BRPF3: variants seen among roughly 807,000 people sequenced by gnomAD.
BRPF3 encodes the protein bromodomain and PHD finger containing 3.
A neutral mutation model predicts 102.0 loss-of-function variants in BRPF3; 18 were observed. That is an observed-to-expected ratio of 0.18 (90% confidence interval 0.12 to 0.26). The LOEUF is 0.26. BRPF3 is among the 10% of genes least tolerant of loss of function. The probability of loss-of-function intolerance (pLI) is 1.00; values close to 1 mark genes in which losing one functional copy is unlikely to be tolerated. For synonymous variants in BRPF3, 570 were observed against 614.2 expected (o/e 0.93, Z 1.06); for missense variants, 1,147 against 1,567.8 (o/e 0.73, Z 4.53).
At chr6:36,209,160 AT>A (rs1264179070) in intron 4 of BRPF3, among the ~76,000 whole-genome samples, 1 of 151,808 alleles carries the variant, frequency 6.6e-6, no homozygotes, top group East Asian at 1.9e-4. Context: ...TTTAATTTGT[AT>A]TTTTTTTCTT....
In BRPF3 at chr6:36,229,174, T is replaced by A. The variant is rs570463379; in HGVS notation, c.3434+118T>A. ...TGTTACCAGTTACCCTGGTCTCCACTTGCCAGCAACAGGCCTGCACTTGGC... is the reference window on the plus strand; with the variant it reads ...TGTTACCAGTTACCCTGGTCTCCACATGCCAGCAACAGGCCTGCACTTGGC... On this transcript the variant is annotated intron_variant, in intron 12 of 12. Transcript: ENST00000357641. 1,607 of 1,337,830 alleles carry A rather than the reference T, an allele frequency of 1.2e-3. 4 individuals carry two copies. The highest frequency in any genetic ancestry group is 1.5e-3 in the Non-Finnish European group (1,506 of 986,222). 82.9% of individuals were successfully genotyped at this position (1,337,830 alleles called of 1,614,324 possible). A position where few individuals can be genotyped will look rare whatever the true frequency, so the allele number is the denominator to read the frequency against.
At chr6:36,207,531 T>G (rs1767948567) in intron 4 of BRPF3, 87 bp downstream of exon 4, 1 of 1,503,030 alleles carries the variant, frequency 6.7e-7, no homozygotes, top group Admixed American at 2.3e-5. Context: ...TGGGAGCCCC[T>G]GCCTTATGCT....
In BRPF3 at chr6:36,230,576, G is replaced by T. The variant is rs748425270; in HGVS notation, c.3585G>T (p.Gly1195=). Residue 1195 remains glycine (G), a synonymous_variant, in exon 13 of 13, where the codon GGG becomes GGT. Transcript: ENST00000357641. This position sits in a 1 kb window ranked among gnomAD's most constrained non-coding sequence, Gnocchi z 5.4. ...RAMIHLSRVR[G]PHSFVTSSYL ...TGATCCACCTGAGCAGAGTCCGGGG[G>T]CCCCACTCCTTCGTCACTTCCAGCT... 1.2e-6 allele frequency: 2 copies of T among 1,613,984 alleles called. No individual in the cohort carries two copies. Among genetic ancestry groups the T allele is most frequent in the African/African-American group, 2.7e-5 (2 of 74,910 alleles).
Position 36,210,088 on chromosome 6 carries a change from G to C in BRPF3, c.1867-128G>C. 3.5e-6 allele frequency: 5 copies of C among 1,419,980 alleles called. No homozygotes were observed. The highest frequency in any genetic ancestry group is 4.9e-6 in the Non-Finnish European group (5 of 1,022,606). The allele number at this position is 1,419,980 out of a possible 1,614,324, so 88.0% of individuals were successfully genotyped here. ...GGGTCAGCAGGCCAGGGTGGGCCAG[G>C]ACTGTAGGTCTTTGAGTTAGCCTGG... On this transcript the variant is annotated intron_variant, in intron 5 of 12. Coordinates refer to ENST00000357641, the MANE Select transcript of BRPF3 (RefSeq NM_015695.3). The surrounding 1 kb of genome is among the most constrained non-coding windows in gnomAD (Gnocchi z 4.7).
chr6:36,212,828 C>T (rs1768177606), intron 7 of BRPF3, among the ~76,000 whole-genome samples: 1 of 152,044 alleles, frequency 6.6e-6, no homozygotes, highest in South Asian at 2.1e-4. Context: ...TGGCGGGCGC[C>T]TGTAGTCCCA....
In BRPF3 at chr6:36,201,815, T is replaced by G. The variant is rs772065988; in HGVS notation, c.1448+45T>G. On this transcript the variant is annotated intron_variant, in intron 2 of 12. Coordinates refer to ENST00000357641, the MANE Select transcript of BRPF3 (RefSeq NM_015695.3). This position sits in a 1 kb window ranked among gnomAD's most constrained non-coding sequence, Gnocchi z 5.1. Reference sequence around the variant, plus strand: ...CTCCTTAGGGACTCATGGTTTCTTCTTGGGTTGGTGTTGGCCCTGTGCCAG... The same window carrying G: ...CTCCTTAGGGACTCATGGTTTCTTCGTGGGTTGGTGTTGGCCCTGTGCCAG... 1.4e-4 allele frequency: 221 copies of G among 1,541,856 alleles called. No individual in the cohort carries two copies. The highest frequency in any genetic ancestry group is 1.8e-4 in the Non-Finnish European group (204 of 1,146,306).
rs752392341 is a variant in BRPF3 at position 36,200,529 on chromosome 6, G to T, written c.207G>T (p.Gln69His). 2 of 1,614,082 alleles carry T rather than the reference G, an allele frequency of 1.2e-6. No homozygotes were observed. The highest frequency in any genetic ancestry group is 3.3e-5 in the Admixed American group (2 of 60,002). Reference protein sequence around the residue: ...KIITEDELTAQDITECNSNKE... With the variant: ...KIITEDELTAHDITECNSNKE... ...TTACTGAAGATGAGCTAACTGCCCA[G>T]GATATCACCGAATGCAATAGTAACA... Residue 69 changes from glutamine (Q) to histidine (H), a missense_variant, in exon 2 of 13, where the codon CAG (glutamine) becomes CAT (histidine). By Grantham distance (24) the Gln-to-His change is conservative. Coordinates refer to ENST00000357641, the MANE Select transcript of BRPF3 (RefSeq NM_015695.3). The surrounding 1 kb of genome is among the most constrained non-coding windows in gnomAD (Gnocchi z 5.3).
chr6:36,197,641 G>C, intron 1 of BRPF3: 1 of 151,670 alleles, frequency 6.6e-6, no homozygotes, highest in Non-Finnish European at 1.5e-5. Context: ...GAGGGGTCAG[G>C]GGGTGCCGAG....
chr6:36,214,378 A>G lies in BRPF3; in HGVS notation c.2981A>G (p.Glu994Gly), dbSNP rs1768252504. 6.4e-7 allele frequency: 1 copy of G among 1,572,954 alleles called. No homozygotes were observed. The highest frequency in any genetic ancestry group is 2.3e-5 in the East Asian group (1 of 44,426). Reference sequence around the variant, plus strand: ...GGGGAGAGGTCCCCCCAGCAGGAGGAAGAGACAGGTGACCCTGCCTGTGAC... The same window carrying G: ...GGGGAGAGGTCCCCCCAGCAGGAGGGAGAGACAGGTGACCCTGCCTGTGAC... ...SEGERSPQQEEETGMTNGFGK... is the reference protein window; with the variant it reads ...SEGERSPQQEGETGMTNGFGK... The change falls in exon 8 of 13, where the codon GAA becomes GGA. Residue 994 changes from glutamate (E) to glycine (G), a missense_variant. Transcript: ENST00000357641.
intron 8 of BRPF3, among the ~76,000 whole-genome samples, chr6:36,216,712 C>G (rs1178234693): frequency 6.6e-6 from 1 of 152,148 alleles, no homozygotes; most frequent in East Asian, 1.9e-4. Flanking sequence ...CTTGGCTCAG[C>G]TGTTAGAATT....
chr6:36,220,082 A>G (rs1305160125), intron 9 of BRPF3, among the ~76,000 whole-genome samples: 1 of 152,238 alleles, frequency 6.6e-6, no homozygotes. Context: ...AGTAAATAAG[A>G]TAACTGTAGG....
chr6:36,197,328 G>C (rs180767113), intron 1 of BRPF3: 1 of 152,198 alleles, frequency 6.6e-6, no homozygotes, highest in African/African-American at 2.4e-5. Flanking sequence ...GGCAGGTGAC[G>C]CAGCCAATGG....
At chr6:36,203,215 A>G (rs373738065) in intron 2 of BRPF3, among the ~76,000 whole-genome samples, 12 of 152,310 alleles carry the variant, frequency 7.9e-5, no homozygotes, top group East Asian at 7.7e-4. Flanking sequence ...TTGAAACCCA[A>G]TTCTGTGACT....
At chr6:36,208,047 T>C (rs949876624) in intron 4 of BRPF3, among the ~76,000 whole-genome samples, 1 of 152,188 alleles carries the variant, frequency 6.6e-6, no homozygotes, top group African/African-American at 2.4e-5. Context: ...AATACATTGG[T>C]TTTCTCACCT....
At chr6:36,222,140 C>CA in intron 9 of BRPF3, 28 bp from the exon 10 acceptor site, 2 of 1,548,562 alleles carry the variant, frequency 1.3e-6, no homozygotes, top group Non-Finnish European at 1.7e-6. Flanking sequence ...TTGCTCATTT[C>CA]ACCCCTCTCT....
chr6:36,210,677 G>A lies in BRPF3; in HGVS notation c.2179+149G>A. 1.4e-6 allele frequency: 1 copy of A among 705,052 alleles called. No individual in the cohort carries two copies. Among genetic ancestry groups the A allele is most frequent in the Admixed American group, 2.9e-5 (1 of 34,146 alleles). The allele number at this position is 705,052 out of a possible 1,614,324, so 43.7% of individuals were successfully genotyped here. Reference sequence around the variant, plus strand: ...TGAGCACAGACTGAGGTATACCTTTGTGGCTAGAATAGTTCTAAGGGTTAA... The same window carrying A: ...TGAGCACAGACTGAGGTATACCTTTATGGCTAGAATAGTTCTAAGGGTTAA... On this transcript the variant is annotated intron_variant, in intron 6 of 12. Coordinates refer to ENST00000357641, the MANE Select transcript of BRPF3 (RefSeq NM_015695.3). The surrounding 1 kb of genome is among the most constrained non-coding windows in gnomAD (Gnocchi z 4.7).
chr6:36,210,040 C>A lies in BRPF3; in HGVS notation c.1866+125C>A. ...GGGTAGGAGGGTGGGTCTGGCAAAG[C>A]TAGTAGACTTGCCCTTGATGAGGGG... is the stretch of plus-strand genomic sequence containing the variant. On this transcript the variant is annotated intron_variant, in intron 5 of 12. Coordinates refer to ENST00000357641, the MANE Select transcript of BRPF3 (RefSeq NM_015695.3). This position sits in a 1 kb window ranked among gnomAD's most constrained non-coding sequence, Gnocchi z 4.7. The A allele has an allele frequency of 6.9e-7, 1 of 1,448,976 alleles. No individual in the cohort carries two copies. The highest frequency in any genetic ancestry group is 9.4e-7 in the Non-Finnish European group (1 of 1,058,362). The allele number at this position is 1,448,976 out of a possible 1,614,324, so 89.8% of individuals were successfully genotyped here. A position where few individuals can be genotyped will look rare whatever the true frequency, so the allele number is the denominator to read the frequency against.
At chr6:36,225,037 C>G (rs567725470) in intron 10 of BRPF3, among the ~76,000 whole-genome samples, 178 of 152,276 alleles carry the variant, frequency 1.2e-3, no homozygotes, top group African/African-American at 4.1e-3. Flanking sequence ...CAACAGAGGC[C>G]GTGTTGCCCA....
At chr6:36,214,732 G>A (rs865833471) in intron 8 of BRPF3, among the ~76,000 whole-genome samples, 1 of 152,116 alleles carries the variant, frequency 6.6e-6, no homozygotes, top group African/African-American at 2.4e-5. Context: ...AAATCAATGA[G>A]CAAAACAGAC....
Sources: gnomAD v4.1 joint callset for allele counts (sites outside exome capture counted in the v4.1 genomes callset) on GRCh38, gnomAD v4.1.1 for gene constraint, Gnocchi (gnomAD v3.1) non-coding constraint, MANE v1.5 for transcripts, NCBI Gene and HGNC (gene_info 2026-07-23, HGNC 2026-07-21) for gene names.